The following VPS8 variants were observed in gnomAD, a reference collection of about 807,000 sequenced individuals.
The protein encoded by VPS8 is vacuolar protein sorting-associated protein 8 homolog.
In VPS8, 129 loss-of-function variants were observed where a neutral mutation model predicts 216.4. That is an observed-to-expected ratio of 0.60 (90% CI 0.52 to 0.69). The LOEUF is 0.69. Ranked by LOEUF, VPS8 falls within the 30% of genes least tolerant of loss-of-function variation. The probability of loss-of-function intolerance (pLI) is 0.00; values close to 1 mark genes in which losing one functional copy is unlikely to be tolerated. For synonymous variants in VPS8, 571 were observed against 565.4 expected (o/e 1.01, Z -0.14); for missense variants, 1,531 against 1,683.5 (o/e 0.91, Z 1.59).
chr3:185,029,070 C>T lies in VPS8; in HGVS notation c.4056+4681C>T, dbSNP rs535747745. ...GTTCCTTATTGAATCACCAGTACTC[C>T]GAGTGAGATTTACCTGAAGATCAAT... On this transcript the variant is annotated intron_variant, in intron 46 of 47. Coordinates refer to ENST00000625842, the MANE Select transcript of VPS8 (RefSeq NM_001009921.3). Among the ~76,000 whole-genome samples, 10 of 152,264 alleles carry T rather than the reference C, an allele frequency of 6.6e-5. 1 individual carries two copies. In the South Asian group the frequency reaches 1.0e-3, roughly 16 times the overall value.
intron 37 of VPS8, among the ~76,000 whole-genome samples, chr3:184,962,235 G>A (rs1746657415): frequency 6.6e-6 from 1 of 152,030 alleles, no homozygotes; most frequent in Non-Finnish European, 1.5e-5. Context: ...GTACATCCTT[G>A]TATATATCTT....
At chr3:185,026,403 T>C (rs1757352656) in intron 46 of VPS8, among the ~76,000 whole-genome samples, 1 of 143,560 alleles carries the variant, frequency 7.0e-6, no homozygotes, top group Non-Finnish European at 1.5e-5. Flanking sequence ...GAGGGATGGC[T>C]GTATTTCTTT....
intron 8 of VPS8, among the ~76,000 whole-genome samples, chr3:184,848,758 G>A (rs986670808): frequency 1.3e-5 from 2 of 151,470 alleles, no homozygotes; most frequent in African/African-American, 2.4e-5. Context: ...TAGTAGAGTC[G>A]GGGTTTCACC....
chr3:184,832,952 T>C (rs1401280856), intron 4 of VPS8, 133 bp downstream of exon 4: 2 of 1,146,484 alleles, frequency 1.7e-6, no homozygotes, highest in Admixed American at 3.1e-5. Context: ...TATAATATCT[T>C]GAAAATTTTG....
At chr3:184,966,927 C>T (rs1361536705) in intron 39 of VPS8, among the ~76,000 whole-genome samples, 3 of 151,080 alleles carry the variant, frequency 2.0e-5, no homozygotes, top group East Asian at 1.9e-4. Context: ...TGTTAATTTT[C>T]GGTGGAGTTA....
chr3:185,025,091 G>A (rs1041303361), intron 46 of VPS8, among the ~76,000 whole-genome samples: 2 of 152,188 alleles, frequency 1.3e-5, no homozygotes, highest in Non-Finnish European at 2.9e-5. Context: ...CAGCACATAA[G>A]AAGGTCTTCA....
chr3:184,886,411 A>G (rs1372224734), intron 22 of VPS8, among the ~76,000 whole-genome samples: 1 of 152,046 alleles, frequency 6.6e-6, no homozygotes, highest in Non-Finnish European at 1.5e-5. Context: ...GCAAAAGAGC[A>G]ATACTACTTA....
intron 42 of VPS8, among the ~76,000 whole-genome samples, chr3:184,992,865 A>G (rs1337223678): frequency 6.6e-6 from 1 of 152,172 alleles, no homozygotes; most frequent in Non-Finnish European, 1.5e-5. Context: ...ATTTGGCAGT[A>G]TATATTGATA....
chr3:185,022,000 C>A, intron 45 of VPS8, among the ~76,000 whole-genome samples: 1 of 152,138 alleles, frequency 6.6e-6, no homozygotes, highest in Admixed American at 6.5e-5. Flanking sequence ...TGTCCCCACA[C>A]AAATCTCATC....
chr3:184,994,460 T>A (rs1752349830), intron 43 of VPS8, among the ~76,000 whole-genome samples: 1 of 150,166 alleles, frequency 6.7e-6, no homozygotes, highest in Non-Finnish European at 1.5e-5. Context: ...CACTGCACTC[T>A]CCAGGTGACA....
At chr3:184,878,228 AG>A (rs968009892) in intron 21 of VPS8, among the ~76,000 whole-genome samples, 21 of 151,852 alleles carry the variant, frequency 1.4e-4, no homozygotes, top group African/African-American at 5.1e-4. Context: ...TTCCTGCCTC[AG>A]CCTCCTGAGC....
In VPS8 at chr3:184,862,981, A is replaced by G. The variant is rs1392262300; in HGVS notation, c.1309A>G (p.Thr437Ala). ...IDRQTQEELE[T>A]VEISEVQLVY... is the part of the protein sequence containing the mutation. ...TCGGCAAACACAAGAGGAATTGGAG[A>G]CAGTGGAGATCTCAGAAGTTCAGCT... Residue 437 changes from threonine (T) to alanine (A), a missense_variant, in exon 16 of 48, where the codon ACA becomes GCA. This residue lies in a region of VPS8 where 1,318 missense variants were observed against 1,468.4 expected (regional missense o/e 0.90). Transcript: ENST00000625842. 6.2e-7 allele frequency: 1 copy of G among 1,613,956 alleles called. No individual in the cohort carries two copies. Among genetic ancestry groups the G allele is most frequent in the South Asian group, 1.1e-5 (1 of 91,088 alleles).
Position 184,996,465 on chromosome 3 carries a change from G to C in VPS8, c.3800G>C (p.Arg1267Thr). 6.2e-7 allele frequency: 1 copy of C among 1,607,452 alleles called. No homozygotes were observed. Among genetic ancestry groups the C allele is most frequent in the South Asian group, 1.1e-5 (1 of 90,192 alleles). The change falls in exon 44 of 48, where the codon AGA (arginine) becomes ACA (threonine). Residue 1267 changes from arginine (R) to threonine (T), a missense_variant. Physicochemically the swap from Arg to Thr is moderately conservative, Grantham distance 71. This residue lies in a region of VPS8 where 1,318 missense variants were observed against 1,468.4 expected (regional missense o/e 0.90). Coordinates refer to ENST00000625842, the MANE Select transcript of VPS8 (RefSeq NM_001009921.3). ...YCSICLQQYK[R>T]RQEMADEIIV... ...TCTATATGTTTGCAGCAGTACAAGA[G>C]ACGCCAAGAAATGGCTGATGAAATA... is the stretch of plus-strand genomic sequence containing the variant.
chr3:184,979,904 G>A (rs779146175), intron 40 of VPS8, among the ~76,000 whole-genome samples: 1 of 152,152 alleles, frequency 6.6e-6, no homozygotes, highest in African/African-American at 2.4e-5. Flanking sequence ...AGTGGTCTAT[G>A]TACTTAAGTG....
At chr3:184,845,516 T>A (rs1167453295) in intron 8 of VPS8, among the ~76,000 whole-genome samples, 1 of 152,114 alleles carries the variant, frequency 6.6e-6, no homozygotes, top group East Asian at 1.9e-4. Context: ...TCCCAGCACT[T>A]TGGGAGGCTG....
chr3:184,930,576 T>G lies in VPS8; in HGVS notation c.2898+8T>G. ...GCAATGGATCATATTGAGGTACTGA[T>G]GCGCAAAACTTCACACTTCACCATC... is the stretch of plus-strand genomic sequence containing the variant. On this transcript the variant is annotated splice_region_variant and intron_variant, in intron 34 of 47. Coordinates refer to ENST00000625842, the MANE Select transcript of VPS8 (RefSeq NM_001009921.3). 6.2e-7 allele frequency: 1 copy of G among 1,600,250 alleles called. No homozygotes were observed.
chr3:184,925,035 T>C (rs1739329084), intron 30 of VPS8, 54 bp downstream of exon 30: 11 of 1,553,608 alleles, frequency 7.1e-6, no homozygotes, highest in African/African-American at 1.4e-5. Context: ...CTGCGCACAG[T>C]TCCCTGGATT....
intron 29 of VPS8, among the ~76,000 whole-genome samples, chr3:184,924,531 A>T (rs1005740080): frequency 6.6e-6 from 1 of 151,768 alleles, no homozygotes; most frequent in African/African-American, 2.4e-5. Flanking sequence ...AAAAAAAATT[A>T]GTTGTAGAAG....
intron 42 of VPS8, among the ~76,000 whole-genome samples, chr3:184,988,245 A>G (rs1029959533): frequency 1.3e-5 from 2 of 152,196 alleles, no homozygotes; most frequent in African/African-American, 2.4e-5. Flanking sequence ...CACCAAACTC[A>G]AGGTTACCCA....
Sources: gnomAD v4.1 joint callset for allele counts (sites outside exome capture counted in the v4.1 genomes callset) on GRCh38, gnomAD v4.1.1 for gene constraint, gnomAD v4.1.1 regional missense constraint, MANE v1.5 for transcripts, NCBI Gene and HGNC (gene_info 2026-07-23, HGNC 2026-07-21) for gene names.